ZNF277: variants seen among roughly 807,000 people sequenced by gnomAD.
ZNF277 encodes zinc finger protein 277, also known as nuclear receptor-interacting factor 4.
In ZNF277, 55 loss-of-function variants were observed where a neutral mutation model predicts 60.7. The observed-to-expected ratio is 0.91, with a 90% CI of 0.73 to 1.13. The LOEUF (loss-of-function observed/expected upper bound fraction) is 1.13, where lower values mean the gene tolerates loss of function less well. Among genes scored for constraint, ZNF277 ranks in the 50% most tolerant of loss-of-function variants. The pLI is 0.00. For missense variants in ZNF277, 510 were observed against 523.0 expected (o/e 0.98, Z 0.24); for synonymous variants, 178 against 179.3 (o/e 0.99, Z 0.06).
intron 1 of ZNF277, among the ~76,000 whole-genome samples, chr7:112,280,715 C>G (rs573481632): frequency 6.6e-6 from 1 of 151,776 alleles, no homozygotes; most frequent in East Asian, 1.9e-4. Flanking sequence ...AACTTCTGCT[C>G]CCCGGGTTCA....
chr7:112,278,114 T>A (rs563640514), intron 1 of ZNF277, among the ~76,000 whole-genome samples: 2 of 152,232 alleles, frequency 1.3e-5, no homozygotes, highest in South Asian at 2.1e-4. Context: ...TCACTTTTCC[T>A]TATGTCTGTA....
Position 112,286,311 on chromosome 7 carries a change from A to G in ZNF277, c.92-562A>G, listed in dbSNP as rs1023948570. Reference sequence around the variant, plus strand: ...ACATAAGTCAACATAGAAAATTGCCATGAGGGCCACCCAGCACATACTGTG... The same window carrying G: ...ACATAAGTCAACATAGAAAATTGCCGTGAGGGCCACCCAGCACATACTGTG... On this transcript the variant is annotated intron_variant, in intron 1 of 11. Coordinates refer to ENST00000361822, the MANE Select transcript of ZNF277 (RefSeq NM_021994.3). Among the ~76,000 whole-genome samples the G allele has an allele frequency of 8.5e-5, 13 of 152,234 alleles. 2 individuals carry two copies. Among genetic ancestry groups the G allele is most frequent in the Admixed American group, 5.2e-4 (8 of 15,280 alleles).
intron 1 of ZNF277, among the ~76,000 whole-genome samples, chr7:112,215,397 T>C (rs1361845368): frequency 6.6e-6 from 1 of 152,248 alleles, no homozygotes; most frequent in Admixed American, 6.5e-5. Flanking sequence ...TGTCATGTTG[T>C]GATGGCATTT....
intron 1 of ZNF277, among the ~76,000 whole-genome samples, chr7:112,235,069 C>G (rs918313452): frequency 1.1e-4 from 16 of 151,910 alleles, no homozygotes; most frequent in Non-Finnish European, 4.4e-5. Flanking sequence ...TTTTGCAAAA[C>G]TGATCAATCT....
chr7:112,249,209 A>G (rs1409972660), intron 1 of ZNF277, among the ~76,000 whole-genome samples: 1 of 152,202 alleles, frequency 6.6e-6, no homozygotes, highest in African/African-American at 2.4e-5. Context: ...TTTTCTGTCT[A>G]AAGCAATTTT....
At chr7:112,211,514 A>T (rs1372888800) in intron 1 of ZNF277, among the ~76,000 whole-genome samples, 3 of 152,292 alleles carry the variant, frequency 2.0e-5, no homozygotes, top group East Asian at 3.9e-4. Context: ...GCACATTGTT[A>T]ATGTTTAATA....
chr7:112,314,533 C>T (rs1792800520), intron 4 of ZNF277, among the ~76,000 whole-genome samples: 1 of 152,108 alleles, frequency 6.6e-6, no homozygotes, highest in South Asian at 2.1e-4. Context: ...AGGCTCCCAC[C>T]TATAAAGCCC....
At chr7:112,276,267 G>T (rs1469981824) in intron 1 of ZNF277, among the ~76,000 whole-genome samples, 3 of 152,198 alleles carry the variant, frequency 2.0e-5, no homozygotes, top group Non-Finnish European at 4.4e-5. Flanking sequence ...TTTCTAGAAA[G>T]GTTGGACATG....
chr7:112,237,479 G>C (rs1790827910), intron 1 of ZNF277, among the ~76,000 whole-genome samples: 1 of 151,940 alleles, frequency 6.6e-6, no homozygotes, highest in Admixed American at 6.6e-5. Flanking sequence ...GGCTAACCAA[G>C]AAGAGAGAAA....
rs1423822582 is a variant in ZNF277 at position 112,340,899 on chromosome 7, T to C, written c.1037T>C (p.Leu346Pro). The change falls in exon 11 of 12, where the codon CTG (leucine) becomes CCG (proline). Residue 346 changes from leucine to proline, a missense_variant. By Grantham distance (98) the Leu-to-Pro change is moderately conservative. Transcript: ENST00000361822. ...LGLNFYQQVK[L>P]VNFIRRQVHQ... ...TTAAATTTCTATCAGCAAGTGAAAC[T>C]GGTCAATTTTATTCGGAGGCAAGTT... 1 of 1,609,998 alleles carries C rather than the reference T, an allele frequency of 6.2e-7. No homozygotes were observed. Among genetic ancestry groups the C allele is most frequent in the South Asian group, 1.1e-5 (1 of 89,522 alleles).
At chr7:112,341,601 G>A (rs1793446217) in intron 11 of ZNF277, among the ~76,000 whole-genome samples, 1 of 152,104 alleles carries the variant, frequency 6.6e-6, no homozygotes, top group Non-Finnish European at 1.5e-5. Context: ...TTTGTATATT[G>A]GCACTTGAAA....
chr7:112,309,642 A>T (rs1792677240), intron 4 of ZNF277, among the ~76,000 whole-genome samples: 1 of 151,688 alleles, frequency 6.6e-6, no homozygotes, highest in South Asian at 2.1e-4. Context: ...ACCCACAATG[A>T]CTCTGACACC....
intron 4 of ZNF277, among the ~76,000 whole-genome samples, chr7:112,303,739 G>T (rs1792531986): frequency 6.6e-6 from 1 of 151,494 alleles, no homozygotes; most frequent in South Asian, 2.1e-4. Context: ...TTTTTTCATT[G>T]TGCTGATATT....
intron 5 of ZNF277, among the ~76,000 whole-genome samples, chr7:112,322,534 C>T (rs886190511): frequency 2.0e-5 from 3 of 152,006 alleles, no homozygotes; most frequent in African/African-American, 7.2e-5. Context: ...TTTCTGGCTA[C>T]TATTGGCCAC....
chr7:112,292,771 T>C (rs1008608522), intron 2 of ZNF277, among the ~76,000 whole-genome samples: 3 of 152,182 alleles, frequency 2.0e-5, no homozygotes, highest in Non-Finnish European at 2.9e-5. Flanking sequence ...GTCATTATTG[T>C]CACTATCATC....
At position 112,231,146 on chromosome 7, in the gene ZNF277, G is replaced by A. The variant is rs532646289; in HGVS notation, c.91+24339G>A. 1.3e-4 allele frequency among the ~76,000 whole-genome samples: 19 copies of A among 151,696 alleles called. 1 individual carries two copies. The highest frequency in any genetic ancestry group is 4.6e-4 in the African/African-American group (19 of 41,300). Reference sequence around the variant, plus strand: ...GGAGAATCACTTGAACCCGGGAGGCGGAGGTTGCAGTGAGCTGAGATCGCG... The same window carrying A: ...GGAGAATCACTTGAACCCGGGAGGCAGAGGTTGCAGTGAGCTGAGATCGCG... On this transcript the variant is annotated intron_variant, in intron 1 of 11. Transcript: ENST00000361822.
At chr7:112,310,488 T>A (rs573250115) in intron 4 of ZNF277, among the ~76,000 whole-genome samples, 2,605 of 96,900 alleles carry the variant, frequency 0.027, 154 homozygotes, top group African/African-American at 0.13. Flanking sequence ...AGTGTGTGTG[T>A]GTGTATGTAT....
At chr7:112,207,803 AGTATTTAC>A (rs1821594816) in intron 1 of ZNF277, among the ~76,000 whole-genome samples, 1 of 152,172 alleles carries the variant, frequency 6.6e-6, no homozygotes, top group Non-Finnish European at 1.5e-5. Flanking sequence ...TATCATCTTA[AGTATTTAC>A]CTCAGCGGCA....
intron 1 of ZNF277, among the ~76,000 whole-genome samples, chr7:112,230,798 A>G (rs1451327826): frequency 1.3e-5 from 2 of 152,188 alleles, no homozygotes; most frequent in Non-Finnish European, 2.9e-5. Context: ...GTTTTGATCC[A>G]TGCCTATTTT....
Sources: allele counts gnomAD v4.1 joint callset (sites outside exome capture counted in the v4.1 genomes callset), GRCh38; gene constraint gnomAD v4.1.1; transcripts MANE v1.5; gene names NCBI Gene and HGNC (gene_info 2026-07-23, HGNC 2026-07-21).